Variants in CDK13 observed in about 807,000 individuals in gnomAD.
CDK13 encodes cyclin dependent kinase 13, also known as cyclin-dependent kinase 13.
A neutral mutation model predicts 137.6 loss-of-function variants in CDK13; 40 were observed. The observed-to-expected ratio is 0.29, with a 90% CI of 0.23 to 0.38. The LOEUF (loss-of-function observed/expected upper bound fraction) is 0.38. Among genes scored for constraint, CDK13 ranks in the 10% least tolerant of loss-of-function variants. The pLI, the probability that CDK13 is intolerant of heterozygous loss-of-function variation, is 1.00. For missense variants in CDK13, 1,704 were observed against 1,951.8 expected (o/e 0.87, Z 2.39); for synonymous variants, 869 against 760.1 (o/e 1.14, Z -2.36).
intron 5 of CDK13, among the ~76,000 whole-genome samples, chr7:40,015,057 G>A (rs1784976340): frequency 6.6e-6 from 1 of 152,144 alleles, no homozygotes; most frequent in East Asian, 1.9e-4. Context: ...ATAGAGGAAT[G>A]TGTTTTAGTT....
chr7:40,095,304 C>T lies in CDK13; in HGVS notation c.*324C>T, dbSNP rs138521551. ...TCTTGCAGATCTTCTGAACTATGCA[C>T]ATTTGTGCTTTTTTTGTAAGTTTGG... is the stretch of plus-strand genomic sequence containing the variant. On this transcript the variant is annotated 3_prime_UTR_variant, in exon 14 of 14. Coordinates refer to ENST00000181839, the MANE Select transcript of CDK13 (RefSeq NM_003718.5). 1 of 172,940 alleles carries T rather than the reference C, an allele frequency of 5.8e-6. No individual in the cohort carries two copies. Among genetic ancestry groups the T allele is most frequent in the East Asian group, 1.5e-4 (1 of 6,746 alleles). The allele number at this position is 172,940 out of a possible 1,614,324, so 10.7% of individuals were successfully genotyped here. A position where few individuals can be genotyped will look rare whatever the true frequency, so the allele number is the denominator to read the frequency against.
chr7:40,065,860 T>G (rs1347155340), intron 9 of CDK13, among the ~76,000 whole-genome samples: 1 of 152,152 alleles, frequency 6.6e-6, no homozygotes, highest in Non-Finnish European at 1.5e-5. Flanking sequence ...TATAAATTAG[T>G]CTACTAGTTT....
chr7:39,951,065 C>T lies in CDK13; in HGVS notation c.424C>T (p.Pro142Ser), dbSNP rs1219838884. The change falls in exon 1 of 14, where the codon CCG becomes TCG. Residue 142 changes from proline to serine, a missense_variant. Coordinates refer to ENST00000181839, the MANE Select transcript of CDK13 (RefSeq NM_003718.5). ...TGCTAGTAGCGGCGGGGGTGTGACC[C>T]CGCTGGTGGAATACGAGGATGTGAG... ...GGASSGGGVTPLVEYEDVSSQ... is the reference protein window; with the variant it reads ...GGASSGGGVTSLVEYEDVSSQ... 9 of 1,274,830 alleles carry T rather than the reference C, an allele frequency of 7.1e-6. No homozygotes were observed. The highest frequency in any genetic ancestry group is 2.8e-5 in the South Asian group (1 of 35,366). The allele number at this position is 1,274,830 out of a possible 1,614,324, so 79.0% of individuals were successfully genotyped here.
intron 7 of CDK13, among the ~76,000 whole-genome samples, chr7:40,049,755 T>C (rs1305013774): frequency 6.6e-6 from 1 of 152,200 alleles, no homozygotes; most frequent in Non-Finnish European, 1.5e-5. Context: ...ATGCCCCGTA[T>C]CTGGTAACTA....
chr7:40,091,836 C>G (rs1254499433), intron 12 of CDK13, among the ~76,000 whole-genome samples: 5 of 152,170 alleles, frequency 3.3e-5, no homozygotes, highest in Non-Finnish European at 1.5e-5. Context: ...CTTAGAGTTC[C>G]TCTTCTATCA....
intron 1 of CDK13, among the ~76,000 whole-genome samples, chr7:39,976,127 C>T (rs967551349): frequency 6.6e-6 from 1 of 151,974 alleles, no homozygotes; most frequent in African/African-American, 2.4e-5. Flanking sequence ...AACCCCGTCT[C>T]TACTAAAAAT....
chr7:40,016,853 TG>T (rs746102016), intron 5 of CDK13, among the ~76,000 whole-genome samples: 1 of 152,176 alleles, frequency 6.6e-6, no homozygotes, highest in Non-Finnish European at 1.5e-5. Context: ...TTTTCTCGTT[TG>T]TTTTTTTAGA....
chr7:40,079,175 C>T (rs1365004882), intron 11 of CDK13, among the ~76,000 whole-genome samples: 3 of 152,106 alleles, frequency 2.0e-5, no homozygotes, highest in African/African-American at 7.2e-5. Flanking sequence ...AATCCCAGCA[C>T]TTTGGGAGGC....
chr7:39,983,132 C>T (rs1293547355), intron 1 of CDK13, among the ~76,000 whole-genome samples: 2 of 152,150 alleles, frequency 1.3e-5, no homozygotes, highest in Middle Eastern at 3.2e-3. Context: ...AGGTTTTCTT[C>T]TAGGGTTTTT....
At chr7:39,978,903 T>C (rs1313889009) in intron 1 of CDK13, among the ~76,000 whole-genome samples, 5 of 152,106 alleles carry the variant, frequency 3.3e-5, no homozygotes, top group Admixed American at 6.6e-5. Context: ...GAGTGTACGG[T>C]GGATGAAGGC....
Position 40,063,326 on chromosome 7 carries a change from C to T in CDK13, c.2780+226C>T, listed in dbSNP as rs558654342. ...GTGGGTGCATGTGTATGTGTACATG[C>T]GTGCGTGCATGTGTGCGTTTTTTTA... On this transcript the variant is annotated intron_variant, in intron 9 of 13. Transcript: ENST00000181839. Among the ~76,000 whole-genome samples the T allele has an allele frequency of 2.6e-5, 4 of 152,032 alleles. No individual in the cohort carries two copies. In the South Asian group the frequency reaches 6.2e-4, roughly 24 times the overall value.
intron 5 of CDK13, among the ~76,000 whole-genome samples, chr7:40,038,753 T>C (rs1259958855): frequency 2.6e-5 from 4 of 151,786 alleles, no homozygotes; most frequent in Non-Finnish European, 2.9e-5. Flanking sequence ...TGGAGTGCAA[T>C]GGCATGATCT....
At chr7:40,087,986 T>G in intron 11 of CDK13, 140 bp from the exon 12 acceptor site, 2 of 632,614 alleles carry the variant, frequency 3.2e-6, no homozygotes, top group Non-Finnish European at 5.4e-6. Flanking sequence ...ATGATTTTTA[T>G]TGGAAGAGTT....
intron 5 of CDK13, among the ~76,000 whole-genome samples, chr7:40,006,452 A>G (rs1784797797): frequency 6.6e-6 from 1 of 152,224 alleles, no homozygotes; most frequent in East Asian, 1.9e-4. Flanking sequence ...ACAAAGTTGT[A>G]GAAAAATACT....
intron 1 of CDK13, chr7:39,952,170 G>C (rs982692815): frequency 1.5e-5 from 4 of 258,890 alleles, no homozygotes; most frequent in African/African-American, 8.8e-5. Context: ...TTGCTTTTCT[G>C]GTACAATTTG....
intron 1 of CDK13, among the ~76,000 whole-genome samples, chr7:39,966,262 A>G (rs1348022426): frequency 6.6e-6 from 1 of 152,262 alleles, no homozygotes; most frequent in Non-Finnish European, 1.5e-5. Flanking sequence ...CACCAATCAG[A>G]TGTAGATTTG....
chr7:39,981,983 AT>A (rs1193284937), intron 1 of CDK13, among the ~76,000 whole-genome samples: 2 of 146,454 alleles, frequency 1.4e-5, no homozygotes, highest in African/African-American at 5.1e-5. Context: ...ACTATTGTGT[AT>A]TTTTTCTTTT....
chr7:40,089,265 T>G (rs1266591299), intron 12 of CDK13, among the ~76,000 whole-genome samples: 1 of 148,674 alleles, frequency 6.7e-6, no homozygotes, highest in African/African-American at 2.5e-5. Flanking sequence ...TGAAACTCTG[T>G]CTCTACTAAA....
chr7:40,082,199 T>G (rs1489591192), intron 11 of CDK13, among the ~76,000 whole-genome samples: 2 of 152,086 alleles, frequency 1.3e-5, no homozygotes, highest in Admixed American at 6.6e-5. Context: ...TCATCAAAAA[T>G]GATTTTAGGC....
Sources: gnomAD v4.1 joint callset for allele counts (sites outside exome capture counted in the v4.1 genomes callset) on GRCh38, gnomAD v4.1.1 for gene constraint, MANE v1.5 for transcripts, NCBI Gene and HGNC (gene_info 2026-07-23, HGNC 2026-07-21) for gene names.